STXBP4: variants seen among roughly 807,000 people sequenced by gnomAD.
The protein encoded by STXBP4 is syntaxin binding protein 4.
Under a neutral mutation model 76.1 loss-of-function variants are expected in STXBP4, and 55 were observed. The observed-to-expected ratio is 0.72, with a 90% CI of 0.58 to 0.91. STXBP4 has a LOEUF of 0.91. Ranked by LOEUF, STXBP4 falls within the 40% of genes least tolerant of loss-of-function variation. STXBP4 has a pLI of 0.00. For missense variants in STXBP4, 618 were observed against 636.9 expected, an observed-to-expected ratio of 0.97 and a Z score of 0.32; for synonymous variants, 201 against 220.2, an observed-to-expected ratio of 0.91 and a Z score of 0.77.
intron 17 of STXBP4, among the ~76,000 whole-genome samples, chr17:55,150,367 T>C (rs895427067): frequency 6.6e-6 from 1 of 152,188 alleles, no homozygotes; most frequent in African/African-American, 2.4e-5. Context: ...GAGAGAGAGA[T>C]ATCTCTGGTG....
chr17:55,210,020 A>T, the STXBP4 span, among the ~76,000 whole-genome samples: 3 of 152,158 alleles, frequency 2.0e-5, no homozygotes, highest in Non-Finnish European at 4.4e-5. Context: ...ACACATGTGC[A>T]TGTGTGCATG....
chr17:55,010,919 G>A (rs2078098806), intron 8 of STXBP4, among the ~76,000 whole-genome samples: 1 of 152,162 alleles, frequency 6.6e-6, no homozygotes, highest in African/African-American at 2.4e-5. Flanking sequence ...CAGATTAAAA[G>A]ATGACCTTAG....
chr17:55,083,639 A>G (rs1266251630), intron 16 of STXBP4, among the ~76,000 whole-genome samples: 1 of 152,124 alleles, frequency 6.6e-6, no homozygotes, highest in African/African-American at 2.4e-5. Context: ...TGGGGATGCA[A>G]TATCTGATGA....
chr17:54,975,133 A>C (rs2144283471), intron 1 of STXBP4, among the ~76,000 whole-genome samples: 1 of 152,262 alleles, frequency 6.6e-6, no homozygotes, highest in Middle Eastern at 3.4e-3. Flanking sequence ...TACTGTCAGC[A>C]TCTTGAAATT....
At position 55,019,311 on chromosome 17, in the gene STXBP4, A is replaced by T. The variant is rs188094804; in HGVS notation, c.666+11714A>T. Among the ~76,000 whole-genome samples the T allele has an allele frequency of 3.3e-3, 507 of 152,138 alleles. 3 individuals carry two copies. Among genetic ancestry groups the T allele is most frequent in the African/African-American group, 0.012 (487 of 41,522 alleles). ...TTACTTTTTACCTCCAACTTGTTTG[A>T]AAATTATGTCTTCTCTTGCTATTCT... On this transcript the variant is annotated intron_variant, in intron 8 of 17. Transcript: ENST00000376352.
chr17:55,138,770 C>T (rs1444360111), intron 16 of STXBP4, among the ~76,000 whole-genome samples: 1 of 151,884 alleles, frequency 6.6e-6, no homozygotes, highest in East Asian at 1.9e-4. Flanking sequence ...AGAAATGAAA[C>T]CTTTACTAAG....
At chr17:54,974,091 G>A (rs2077436355) in intron 1 of STXBP4, among the ~76,000 whole-genome samples, 1 of 152,048 alleles carries the variant, frequency 6.6e-6, no homozygotes, top group Admixed American at 6.5e-5. Flanking sequence ...AAGGAAATTG[G>A]GACTTCAGTC....
chr17:55,179,222 C>T, the STXBP4 span, among the ~76,000 whole-genome samples: 1 of 151,984 alleles, frequency 6.6e-6, no homozygotes, highest in Non-Finnish European at 1.5e-5. Flanking sequence ...GAGTTACTAC[C>T]ACTGGGACTA....
At chr17:54,975,177 C>T (rs2077453965) in intron 1 of STXBP4, among the ~76,000 whole-genome samples, 1 of 152,188 alleles carries the variant, frequency 6.6e-6, no homozygotes, top group Non-Finnish European at 1.5e-5. Flanking sequence ...CTCACTCTGT[C>T]ACCCAGGCTG....
intron 1 of STXBP4, among the ~76,000 whole-genome samples, chr17:54,974,230 AT>A (rs1426724795): frequency 6.6e-6 from 1 of 152,222 alleles, no homozygotes; most frequent in Admixed American, 6.5e-5. Context: ...TTTGGTAGCT[AT>A]TTTTATCACA....
intron 16 of STXBP4, among the ~76,000 whole-genome samples, chr17:55,112,131 G>C (rs577650671): frequency 6.6e-6 from 1 of 151,956 alleles, no homozygotes; most frequent in South Asian, 2.1e-4. Flanking sequence ...TGTTGCCCAG[G>C]CTGGTCTCAA....
At chr17:55,206,407 C>T in the STXBP4 span, among the ~76,000 whole-genome samples, 3 of 152,168 alleles carry the variant, frequency 2.0e-5, no homozygotes, top group Non-Finnish European at 4.4e-5. Flanking sequence ...AACTTCACAT[C>T]CAATTGAAAA....
chr17:55,060,128 T>TGA (rs2078976988), intron 12 of STXBP4, among the ~76,000 whole-genome samples: 1 of 152,066 alleles, frequency 6.6e-6, no homozygotes, highest in African/African-American at 2.4e-5. Context: ...TTCATTTCAT[T>TGA]AACACCGTAA....
intron 11 of STXBP4, 35 bp from the exon 12 acceptor site, chr17:55,047,054 T>A (rs925330996): frequency 1.5e-6 from 2 of 1,343,060 alleles, no homozygotes; most frequent in East Asian, 4.6e-5. Context: ...AATACTTTCA[T>A]AACAAGTTGT....
the STXBP4 span, among the ~76,000 whole-genome samples, chr17:55,204,655 C>A: frequency 3.3e-5 from 5 of 152,194 alleles, no homozygotes; most frequent in South Asian, 1.0e-3. Context: ...CAATTTTTAG[C>A]AATGTCTCTC....
intron 14 of STXBP4, 101 bp downstream of exon 14, chr17:55,078,295 A>AG: frequency 2.6e-6 from 2 of 767,888 alleles, no homozygotes; most frequent in Non-Finnish European, 4.3e-6. Context: ...AACATTCTCT[A>AG]GTCTCAAAGC....
chr17:55,043,341 G>C lies in STXBP4; in HGVS notation c.945+16G>C. ...TACACTTAAGGTAACCTCTAATTTA[G>C]TTTCCTTATGTTTTCTTCAGAAAAA... On this transcript the variant is annotated intron_variant, in intron 11 of 17. Transcript: ENST00000376352. 7.4e-7 allele frequency: 1 copy of C among 1,350,736 alleles called. No individual in the cohort carries two copies. Among genetic ancestry groups the C allele is most frequent in the Non-Finnish European group, 9.9e-7 (1 of 1,006,924 alleles). The allele number at this position is 1,350,736 out of a possible 1,614,324, so 83.7% of individuals were successfully genotyped here. A position where few individuals can be genotyped will look rare whatever the true frequency, so the allele number is the denominator to read the frequency against.
intron 12 of STXBP4, among the ~76,000 whole-genome samples, chr17:55,055,386 C>T (rs1471926401): frequency 6.6e-6 from 1 of 152,136 alleles, no homozygotes; most frequent in Non-Finnish European, 1.5e-5. Context: ...CTTGTTGGGC[C>T]TACTTTTTAG....
In STXBP4 at chr17:55,012,276, T is replaced by A. The variant is rs374462815; in HGVS notation, c.666+4679T>A. ...TAGCCATCCTGAGGGGAGGAAACTGTGTCCTCATGAGGTTCCCCATTCTAT... is the reference window on the plus strand; with the variant it reads ...TAGCCATCCTGAGGGGAGGAAACTGAGTCCTCATGAGGTTCCCCATTCTAT... On this transcript the variant is annotated intron_variant, in intron 8 of 17. Coordinates refer to ENST00000376352, the MANE Select transcript of STXBP4 (RefSeq NM_178509.6). Among the ~76,000 whole-genome samples, 222 of 152,288 alleles carry A rather than the reference T, an allele frequency of 1.5e-3. 7 individuals are homozygous for A. The South Asian group carries it at 0.045, about 31-fold the overall frequency.
Sources: allele counts gnomAD v4.1 joint callset (sites outside exome capture counted in the v4.1 genomes callset), GRCh38; gene constraint gnomAD v4.1.1; transcripts MANE v1.5; gene names NCBI Gene and HGNC (gene_info 2026-07-23, HGNC 2026-07-21).